CFAP92: variants seen among roughly 807,000 people sequenced by gnomAD.
The protein encoded by CFAP92 is uncharacterized protein CFAP92.
A neutral mutation model predicts 106.3 loss-of-function variants in CFAP92; 86 were observed. The ratio of observed to expected loss-of-function variants is 0.81; its 90% CI spans 0.68 to 0.97. The LOEUF is 0.97. Ranked by LOEUF, CFAP92 falls within the 50% of genes least tolerant of loss-of-function variation. The pLI is 0.00. For missense variants in CFAP92, 1,204 were observed against 1,283.8 expected (o/e 0.94, Z 0.95); for synonymous variants, 477 against 506.4 (o/e 0.94, Z 0.78).
rs115394072 is a variant in CFAP92, at chr3:128,982,797, G to A, written c.668-4612C>T. Among the ~76,000 whole-genome samples the A allele has an allele frequency of 9.0e-3, 1,365 of 152,310 alleles. 8 individuals are homozygous for A. Among genetic ancestry groups the A allele is most frequent in the Non-Finnish European group, 0.015 (997 of 68,020 alleles). On this transcript the variant is annotated intron_variant, in intron 4 of 15. Transcript: ENST00000645291. ...GAGGCCTGAAGAGAGGGAGAGACAG[G>A]AGAATGGCCGATCACTGGAACCCTG...
intron 4 of CFAP92, among the ~76,000 whole-genome samples, chr3:128,981,273 T>A (rs1277406569): frequency 6.6e-6 from 1 of 152,000 alleles, no homozygotes; most frequent in Non-Finnish European, 1.5e-5. Context: ...CCTGACCTCG[T>A]GATCTGTCCC....
At position 128,910,209 on chromosome 3, in the gene CFAP92, AAT is replaced by A; in HGVS notation, c.*88_*89del. 6.2e-7 allele frequency: 1 copy of A among 1,611,394 alleles called. No individual in the cohort carries two copies. Among genetic ancestry groups the A allele is most frequent in the Admixed American group, 1.7e-5 (1 of 59,900 alleles). The stretch of plus-strand genomic sequence containing the variant: ...GCTGCCATCTGTCCTGCTGCACTTT[AAT>A]GAAGTTGATTGTTGAGGAGGGTGTG... On this transcript the variant is annotated 3_prime_UTR_variant, in exon 16 of 16. Transcript: ENST00000645291.
chr3:128,932,126 T>G (rs1334330394), intron 12 of CFAP92, among the ~76,000 whole-genome samples: 1 of 152,170 alleles, frequency 6.6e-6, no homozygotes, highest in Non-Finnish European at 1.5e-5. Context: ...GCAGGGATGG[T>G]AGGGCCTTCA....
At chr3:129,019,133 G>A in the CFAP92 span, among the ~76,000 whole-genome samples, 4 of 152,232 alleles carry the variant, frequency 2.6e-5, no homozygotes, top group Non-Finnish European at 5.9e-5. Flanking sequence ...GCCCCAGTGT[G>A]TTCTTTGATG....
chr3:129,008,966 A>C, the CFAP92 span, among the ~76,000 whole-genome samples: 17 of 135,356 alleles, frequency 1.3e-4, no homozygotes, highest in Non-Finnish European at 2.2e-4. Context: ...GTCCATCCCC[A>C]CACACATTTT....
At chr3:128,989,231 T>G (rs1295822209) in intron 2 of CFAP92, among the ~76,000 whole-genome samples, 2 of 150,916 alleles carry the variant, frequency 1.3e-5, no homozygotes, top group African/African-American at 4.9e-5. Context: ...GGCCAGATGT[T>G]ATTAGGAGAG....
chr3:128,958,853 A>T (rs1385179017), intron 9 of CFAP92, among the ~76,000 whole-genome samples: 2 of 152,016 alleles, frequency 1.3e-5, no homozygotes, highest in Non-Finnish European at 2.9e-5. Context: ...GTAAGTTATG[A>T]TCACACCACT....
intron 9 of CFAP92, among the ~76,000 whole-genome samples, chr3:128,961,669 C>T (rs917649175): frequency 3.3e-5 from 5 of 152,200 alleles, no homozygotes; most frequent in African/African-American, 7.2e-5. Flanking sequence ...TTCATGGCAG[C>T]AACCCTGAGA....
rs764347793 is a variant in CFAP92, at chr3:128,978,203, A to C, written c.668-18T>G. The stretch of plus-strand genomic sequence containing the variant: ...TCTCACTTCTAGAATGCAGGAGAAG[A>C]AAGGATCATTGACTCAATCAATCCA... On this transcript the variant is annotated intron_variant, in intron 4 of 15. Transcript: ENST00000645291. 1.2e-6 allele frequency: 2 copies of C among 1,609,048 alleles called. No individual in the cohort carries two copies. The highest frequency in any genetic ancestry group is 2.7e-5 in the African/African-American group (2 of 74,704).
rs1393479645 is a variant in CFAP92 at position 128,956,192 on chromosome 3, A to AT, written c.1353+9318_1353+9319insA. The stretch of plus-strand genomic sequence containing the variant: ...TCAATAAAAAAATAAATTAAAAAAA[A>AT]AAATAAAAAAAAAATAAAAAAATAA... On this transcript the variant is annotated intron_variant, in intron 9 of 15. Transcript: ENST00000645291. Among the ~76,000 whole-genome samples the AT allele has an allele frequency of 3.5e-4, 34 of 98,140 alleles. 1 individual carries two copies. Among genetic ancestry groups the AT allele is most frequent in the African/African-American group, 2.9e-3 (33 of 11,340 alleles). 64.4% of individuals were successfully genotyped at this position (98,140 alleles called of 152,430 possible).
intron 5 of CFAP92, among the ~76,000 whole-genome samples, chr3:128,977,530 T>G (rs962879872): frequency 6.6e-6 from 1 of 152,308 alleles, no homozygotes; most frequent in Middle Eastern, 3.4e-3. Context: ...ATTCACTGAA[T>G]TTTCTAAAAA....
chr3:128,931,545 T>TA (rs1420770668), intron 12 of CFAP92, among the ~76,000 whole-genome samples: 17 of 144,296 alleles, frequency 1.2e-4, no homozygotes, highest in African/African-American at 3.8e-4. Context: ...ATATATATAT[T>TA]ACACAAGAGA....
the CFAP92 span, among the ~76,000 whole-genome samples, chr3:129,025,935 G>A: frequency 1.4e-4 from 21 of 152,382 alleles, no homozygotes; most frequent in South Asian, 3.9e-3. Flanking sequence ...TCCAGAGCCT[G>A]CCTTCCAAGC....
At chr3:128,976,956 C>A in intron 6 of CFAP92, 23 bp downstream of exon 6, 1 of 1,602,404 alleles carries the variant, frequency 6.2e-7, no homozygotes, top group Non-Finnish European at 8.6e-7. Context: ...CTCCCACCAC[C>A]CAAAATATCG....
At chr3:128,961,705 G>A (rs1048764349) in intron 9 of CFAP92, among the ~76,000 whole-genome samples, 5 of 152,158 alleles carry the variant, frequency 3.3e-5, no homozygotes, top group Non-Finnish European at 7.3e-5. Context: ...GACCCTAAAA[G>A]GTCAAAAGGC....
chr3:128,913,235 G>A (rs952415902), intron 15 of CFAP92: 3 of 363,570 alleles, frequency 8.3e-6, no homozygotes, highest in African/African-American at 4.3e-5. Context: ...CTGCAAGGAG[G>A]GCCCAGAATG....
chr3:128,924,669 A>G (rs1937539834), intron 12 of CFAP92, among the ~76,000 whole-genome samples: 1 of 150,618 alleles, frequency 6.6e-6, no homozygotes, highest in Non-Finnish European at 1.5e-5. Context: ...CTAGTCCCGA[A>G]CTCCCAACCT....
chr3:128,982,204 C>T (rs1270039316), intron 4 of CFAP92, among the ~76,000 whole-genome samples: 2 of 152,242 alleles, frequency 1.3e-5, no homozygotes, highest in Non-Finnish European at 2.9e-5. Flanking sequence ...TTGCCTTCAT[C>T]AGTGATCTTA....
At chr3:128,938,557 G>A (rs963393302) in intron 10 of CFAP92, among the ~76,000 whole-genome samples, 4 of 149,762 alleles carry the variant, frequency 2.7e-5, no homozygotes, top group South Asian at 2.1e-4. Flanking sequence ...ACAGTGGCGC[G>A]ATCTCGGCTC....
Sources: gnomAD v4.1 joint callset for allele counts (sites outside exome capture counted in the v4.1 genomes callset) on GRCh38, gnomAD v4.1.1 for gene constraint, MANE v1.5 for transcripts, NCBI Gene and HGNC (gene_info 2026-07-23, HGNC 2026-07-21) for gene names.